The following VPS13B variants were observed in gnomAD, a reference collection of about 807,000 sequenced individuals.
VPS13B encodes vacuolar protein sorting 13 homolog B.
In VPS13B, 285 loss-of-function variants were observed where a neutral mutation model predicts 426.4. That is an observed-to-expected ratio of 0.67 (90% CI 0.61 to 0.74). VPS13B has a LOEUF of 0.74. VPS13B is among the 30% of genes least tolerant of loss of function. The pLI, the probability that VPS13B is intolerant of heterozygous loss-of-function variation, is 0.00. For synonymous variants in VPS13B, 1,676 were observed against 1,676.4 expected (o/e 1.00, Z 0.01); for missense variants, 4,537 against 4,782.6 (o/e 0.95, Z 1.51).
chr8:99,758,009 T>C (rs905359373), intron 39 of VPS13B, among the ~76,000 whole-genome samples: 1 of 152,220 alleles, frequency 6.6e-6, no homozygotes, highest in African/African-American at 2.4e-5. Flanking sequence ...CTAAACTATT[T>C]TTTTGGCACC....
intron 37 of VPS13B, among the ~76,000 whole-genome samples, 164 bp from the exon 38 acceptor site, chr8:99,720,181 A>G (rs1833080942): frequency 6.6e-6 from 1 of 152,188 alleles, no homozygotes; most frequent in South Asian, 2.1e-4. Context: ...TTCAAGCAAT[A>G]GAATTTCATC....
intron 17 of VPS13B, among the ~76,000 whole-genome samples, chr8:99,203,288 A>C (rs1472834251): frequency 6.6e-6 from 1 of 152,190 alleles, no homozygotes; most frequent in East Asian, 1.9e-4. Flanking sequence ...ATAGATGCAG[A>C]AAAGGCCTTC....
chr8:99,429,704 A>T (rs1450444023), intron 21 of VPS13B: 1 of 152,240 alleles, frequency 6.6e-6, no homozygotes. Context: ...ACTTCTTGCC[A>T]CCTCGTTGCT....
At chr8:99,722,296 C>T (rs950167332) in intron 39 of VPS13B, among the ~76,000 whole-genome samples, 1 of 152,152 alleles carries the variant, frequency 6.6e-6, no homozygotes, top group Non-Finnish European at 1.5e-5. Flanking sequence ...GTTCTTACTG[C>T]TAGTCCTAAT....
At chr8:99,684,336 CCTCTT>C (rs927515827) in intron 35 of VPS13B, among the ~76,000 whole-genome samples, 1 of 152,214 alleles carries the variant, frequency 6.6e-6, no homozygotes, top group African/African-American at 2.4e-5. Flanking sequence ...AGTATTCTCT[CCTCTT>C]CTATTTCCTG....
intron 17 of VPS13B, among the ~76,000 whole-genome samples, chr8:99,231,494 C>T (rs1189761586): frequency 6.6e-6 from 1 of 152,062 alleles, no homozygotes; most frequent in Non-Finnish European, 1.5e-5. Context: ...TTTTCTTTGT[C>T]ATCTTTTCTT....
intron 24 of VPS13B, among the ~76,000 whole-genome samples, chr8:99,474,108 C>T (rs932122446): frequency 6.6e-6 from 1 of 151,220 alleles, no homozygotes; most frequent in Admixed American, 6.6e-5. Flanking sequence ...TTGAATGACA[C>T]ATTGAGATAG....
At chr8:99,139,790 A>G (rs1810300057) in intron 12 of VPS13B, among the ~76,000 whole-genome samples, 1 of 151,914 alleles carries the variant, frequency 6.6e-6, no homozygotes, top group African/African-American at 2.4e-5. Context: ...AATTTGTAGA[A>G]TTTTAAGTAT....
chr8:99,421,195 C>T (rs1287771714), intron 21 of VPS13B, among the ~76,000 whole-genome samples: 1 of 152,000 alleles, frequency 6.6e-6, no homozygotes, highest in Non-Finnish European at 1.5e-5. Flanking sequence ...TCATATTGTA[C>T]CAAGTTGAAT....
chr8:99,361,779 A>G (rs940410364), intron 19 of VPS13B, among the ~76,000 whole-genome samples: 2 of 152,208 alleles, frequency 1.3e-5, no homozygotes, highest in Non-Finnish European at 2.9e-5. Flanking sequence ...AACTATTTTT[A>G]GGTCTCCATG....
chr8:99,416,267 C>G (rs1337035479), intron 21 of VPS13B, among the ~76,000 whole-genome samples: 14 of 152,140 alleles, frequency 9.2e-5, no homozygotes, highest in Admixed American at 9.2e-4. Flanking sequence ...CCCCCGCCCC[C>G]CCACCAAGCT....
At chr8:99,082,219 T>C (rs898684506) in intron 3 of VPS13B, among the ~76,000 whole-genome samples, 5 of 152,236 alleles carry the variant, frequency 3.3e-5, no homozygotes, top group Non-Finnish European at 7.3e-5. Context: ...CCAGTGATGA[T>C]GAGTATGTTT....
chr8:99,656,892 A>T (rs1468711070), intron 34 of VPS13B, among the ~76,000 whole-genome samples: 1 of 152,236 alleles, frequency 6.6e-6, no homozygotes, highest in Non-Finnish European at 1.5e-5. Context: ...CACCAGCCCT[A>T]TCCTGCATTC....
chr8:99,320,221 T>G (rs1162481821), intron 19 of VPS13B, among the ~76,000 whole-genome samples: 1 of 152,208 alleles, frequency 6.6e-6, no homozygotes, highest in Non-Finnish European at 1.5e-5. Flanking sequence ...GGGATAAAGG[T>G]CCGCCTTAAT....
intron 35 of VPS13B, among the ~76,000 whole-genome samples, chr8:99,673,612 G>C (rs760825832): frequency 2.1e-4 from 32 of 151,592 alleles, no homozygotes; most frequent in Non-Finnish European, 5.9e-5. Flanking sequence ...TTTCTGCTCT[G>C]ATCTTTATTT....
chr8:99,096,758 A>AG (rs2132433247), intron 4 of VPS13B, among the ~76,000 whole-genome samples: 1 of 147,202 alleles, frequency 6.8e-6, no homozygotes, highest in Non-Finnish European at 1.5e-5. Flanking sequence ...TCTGTCTCAA[A>AG]AAAAAAAAAA....
In VPS13B at chr8:99,530,742, G is replaced by A. The variant is rs147307315; in HGVS notation, c.4745+9732G>A. Among the ~76,000 whole-genome samples, 109 of 152,180 alleles carry A rather than the reference G, an allele frequency of 7.2e-4. 2 individuals are homozygous for A. Among genetic ancestry groups the A allele is most frequent in the Middle Eastern group, 6.8e-3 (2 of 294 alleles). ...TCAATGCAATGCCTACATCTCGGTC[G>A]AACCTCATAATAATCTCATGAGTCA... On this transcript the variant is annotated intron_variant, in intron 30 of 61. Transcript: ENST00000357162.
At chr8:99,769,176 T>C (rs1011800587) in intron 40 of VPS13B, among the ~76,000 whole-genome samples, 2 of 152,190 alleles carry the variant, frequency 1.3e-5, no homozygotes, top group Admixed American at 6.5e-5. Flanking sequence ...TCACCAGGGA[T>C]TTTTCACCTT....
At chr8:99,288,742 A>G (rs1003616629) in intron 19 of VPS13B, among the ~76,000 whole-genome samples, 17 of 152,012 alleles carry the variant, frequency 1.1e-4, no homozygotes, top group Admixed American at 3.9e-4. Flanking sequence ...TTTTTGATGT[A>G]TAGTTGGAAT....
Sources: allele counts gnomAD v4.1 joint callset (sites outside exome capture counted in the v4.1 genomes callset), GRCh38; gene constraint gnomAD v4.1.1; transcripts MANE v1.5; gene names NCBI Gene and HGNC (gene_info 2026-07-23, HGNC 2026-07-21).